KCNT2: variants seen among roughly 807,000 people sequenced by gnomAD.
KCNT2 encodes potassium channel subfamily T member 2.
A neutral mutation model predicts 153.8 loss-of-function variants in KCNT2; 67 were observed. That is an observed-to-expected ratio of 0.44 (90% confidence interval 0.36 to 0.53). The LOEUF (loss-of-function observed/expected upper bound fraction) is 0.53, where lower values mean the gene tolerates loss of function less well. KCNT2 is among the 20% of genes least tolerant of loss of function. The pLI is 0.00. For missense variants in KCNT2, 975 were observed against 1,354.8 expected, an observed-to-expected ratio of 0.72 and a Z score of 4.40; for synonymous variants, 500 against 458.8, an observed-to-expected ratio of 1.09 and a Z score of -1.15.
intron 8 of KCNT2, among the ~76,000 whole-genome samples, chr1:196,463,017 C>T (rs1677286532): frequency 6.6e-6 from 1 of 151,590 alleles, no homozygotes; most frequent in Non-Finnish European, 1.5e-5. Flanking sequence ...TTAGGACGTA[C>T]TTGCAAGAAC....
intron 14 of KCNT2, among the ~76,000 whole-genome samples, chr1:196,351,445 T>A (rs1485413824): frequency 2.6e-5 from 4 of 152,158 alleles, no homozygotes; most frequent in Non-Finnish European, 5.9e-5. Context: ...GATTCCTAAG[T>A]ATTTTGTTCT....
chr1:196,602,127 A>C (rs1178869690), intron 1 of KCNT2, among the ~76,000 whole-genome samples: 1 of 152,178 alleles, frequency 6.6e-6, no homozygotes, highest in East Asian at 1.9e-4. Flanking sequence ...TTTGCAGAGA[A>C]AATTTTAATT....
intron 16 of KCNT2, among the ~76,000 whole-genome samples, chr1:196,338,181 T>C (rs145206550): frequency 0.049 from 7,387 of 152,064 alleles, 271 homozygotes; most frequent in Non-Finnish European, 0.071. Flanking sequence ...ATATAAAGAA[T>C]TAGAAGTCAT....
chr1:196,549,639 A>G (rs1657623698), intron 1 of KCNT2, among the ~76,000 whole-genome samples: 1 of 151,928 alleles, frequency 6.6e-6, no homozygotes, highest in Non-Finnish European at 1.5e-5. Context: ...TGGACAAGAA[A>G]TAACTCTGGG....
In KCNT2 at chr1:196,608,262, C is replaced by T. The variant is rs574871898; in HGVS notation, c.48G>A (p.Arg16=). ...GGTCCCCTAGCAGCAAATCTCGAAA[C>T]CTGTACCTGGGAGGCAGAGGGGGCA... ...SEVPPLPPRY[R]FRDLLLGDQG... Residue 16 remains arginine, a synonymous_variant, in exon 1 of 28, where the codon AGG becomes AGA. Coordinates refer to ENST00000294725, the MANE Select transcript of KCNT2 (RefSeq NM_198503.5). 1.2e-6 allele frequency: 2 copies of T among 1,614,102 alleles called. No individual in the cohort carries two copies. The highest frequency in any genetic ancestry group is 2.2e-5 in the South Asian group (2 of 91,076).
chr1:196,571,752 C>T (rs1660803452), intron 1 of KCNT2, among the ~76,000 whole-genome samples: 1 of 152,060 alleles, frequency 6.6e-6, no homozygotes, highest in Non-Finnish European at 1.5e-5. Context: ...TTCCCCTAGA[C>T]ATGCAGAAAT....
chr1:196,491,656 T>C (rs575690872), intron 2 of KCNT2, among the ~76,000 whole-genome samples: 9 of 152,124 alleles, frequency 5.9e-5, no homozygotes, highest in African/African-American at 2.2e-4. Context: ...GGAGGACAGT[T>C]ACTATGCCAA....
rs1262030224 is a variant in KCNT2 at position 196,489,921 on chromosome 1, C to T, written c.192G>A (p.Leu64=). 3 of 1,561,688 alleles carry T rather than the reference C, an allele frequency of 1.9e-6. No individual in the cohort carries two copies. Among genetic ancestry groups the T allele is most frequent in the Non-Finnish European group, 2.6e-6 (3 of 1,145,956 alleles). Residue 64 remains leucine, a synonymous_variant, in exon 3 of 28, where the codon CTG becomes CTA. Coordinates refer to ENST00000294725, the MANE Select transcript of KCNT2 (RefSeq NM_198503.5). ...TTAGTAATTTGAGAGAAAAATTGAA[C>T]AGGCGTATCCTTAGACCTTTAAACA... ...KNQRSSLRIR[L]FNFSLKLLSC... is the part of the protein sequence containing the mutation.
At chr1:196,498,695 T>G (rs2148755831) in intron 1 of KCNT2, among the ~76,000 whole-genome samples, 1 of 152,296 alleles carries the variant, frequency 6.6e-6, no homozygotes, top group Non-Finnish European at 1.5e-5. Context: ...ATTTCTGTGC[T>G]TCTAGATTGT....
At chr1:196,329,774 T>TAC (rs1175537401) in intron 18 of KCNT2, among the ~76,000 whole-genome samples, 1 of 148,284 alleles carries the variant, frequency 6.7e-6, no homozygotes, top group Non-Finnish European at 1.5e-5. Context: ...CGCATATATA[T>TAC]ACACATATAT....
At chr1:196,437,411 A>T (rs1001932376) in intron 8 of KCNT2, among the ~76,000 whole-genome samples, 1 of 141,618 alleles carries the variant, frequency 7.1e-6, no homozygotes, top group Non-Finnish European at 1.5e-5. Flanking sequence ...ATATATATAT[A>T]TAAGTTTTCT....
intron 1 of KCNT2, among the ~76,000 whole-genome samples, chr1:196,592,630 CATAT>C (rs1184352701): frequency 1.4e-5 from 2 of 145,966 alleles, no homozygotes; most frequent in Non-Finnish European, 3.0e-5. Flanking sequence ...GCTTCCTAAC[CATAT>C]ATATAGTTAG....
chr1:196,560,305 C>A (rs896420999), intron 1 of KCNT2, among the ~76,000 whole-genome samples: 4 of 151,788 alleles, frequency 2.6e-5, no homozygotes, highest in Non-Finnish European at 5.9e-5. Flanking sequence ...TTCACTCAAA[C>A]AATGTGGTAT....
intron 12 of KCNT2, among the ~76,000 whole-genome samples, chr1:196,401,425 A>G (rs1403073687): frequency 6.6e-6 from 1 of 151,808 alleles, no homozygotes; most frequent in African/African-American, 2.4e-5. Flanking sequence ...AGAAGGACTT[A>G]AAGCTGCTAC....
At chr1:196,292,988 C>T (rs1660339432) in intron 22 of KCNT2, among the ~76,000 whole-genome samples, 1 of 151,290 alleles carries the variant, frequency 6.6e-6, no homozygotes, top group East Asian at 1.9e-4. Context: ...TAAAAACAAA[C>T]TACCTGAAAA....
intron 14 of KCNT2, among the ~76,000 whole-genome samples, chr1:196,372,801 T>G (rs1199894882): frequency 6.6e-6 from 1 of 151,920 alleles, no homozygotes; most frequent in Non-Finnish European, 1.5e-5. Flanking sequence ...ATCCTTTAAT[T>G]AAATGTTTCA....
chr1:196,315,467 T>C (rs1662619222), intron 21 of KCNT2, among the ~76,000 whole-genome samples: 1 of 151,728 alleles, frequency 6.6e-6, no homozygotes, highest in African/African-American at 2.4e-5. Flanking sequence ...ATGTCATGAC[T>C]TTGCTCCTAA....
intron 1 of KCNT2, among the ~76,000 whole-genome samples, chr1:196,501,828 G>A (rs1355496599): frequency 6.6e-6 from 1 of 152,092 alleles, no homozygotes; most frequent in Non-Finnish European, 1.5e-5. Context: ...TTTTAAAAAG[G>A]TAGTTTTGGG....
At chr1:196,257,548 A>T (rs58214581) in intron 26 of KCNT2, 9 of 927,416 alleles carry the variant, frequency 9.7e-6, no homozygotes, top group Non-Finnish European at 1.2e-5. Context: ...AGTAAAATTC[A>T]TACACTGATA....
Sources: gnomAD v4.1 joint callset for allele counts (sites outside exome capture counted in the v4.1 genomes callset) on GRCh38, gnomAD v4.1.1 for gene constraint, MANE v1.5 for transcripts, NCBI Gene and HGNC (gene_info 2026-07-23, HGNC 2026-07-21) for gene names.